GNA14: variants seen among roughly 807,000 people sequenced by gnomAD.
GNA14 encodes the protein G protein subunit alpha 14.
In GNA14, 50 loss-of-function variants were observed where a neutral mutation model predicts 42.0. The ratio of observed to expected loss-of-function variants is 1.19; its 90% CI spans 0.95 to 1.51. GNA14 has a LOEUF of 1.51. Among genes scored for constraint, GNA14 ranks in the 40% most tolerant of loss-of-function variants. GNA14 has a pLI of 0.00. For missense variants in GNA14, 473 were observed against 446.2 expected, an observed-to-expected ratio of 1.06 and a Z score of -0.54; for synonymous variants, 173 against 163.1, an observed-to-expected ratio of 1.06 and a Z score of -0.46.
chr9:77,522,292 C>A (rs566338724), intron 2 of GNA14, among the ~76,000 whole-genome samples: 1 of 152,298 alleles, frequency 6.6e-6, no homozygotes, highest in South Asian at 2.1e-4. Flanking sequence ...GAATGCGCTG[C>A]AGCTTCTTCC....
chr9:77,550,357 G>T (rs997708037), intron 1 of GNA14, among the ~76,000 whole-genome samples: 2 of 152,196 alleles, frequency 1.3e-5, no homozygotes, highest in Non-Finnish European at 2.9e-5. Flanking sequence ...TACAGAGAAA[G>T]CCTTCACCTT....
chr9:77,549,912 C>G (rs975706725), intron 1 of GNA14, among the ~76,000 whole-genome samples: 2 of 152,172 alleles, frequency 1.3e-5, no homozygotes, highest in African/African-American at 4.8e-5. Context: ...CAAATGATCC[C>G]AAACCCACTT....
chr9:77,557,641 A>G (rs1029067465), intron 1 of GNA14, among the ~76,000 whole-genome samples: 4 of 152,230 alleles, frequency 2.6e-5, no homozygotes, highest in African/African-American at 9.6e-5. Flanking sequence ...GCTATAAGGA[A>G]GAAAGCTAAG....
At chr9:77,610,769 AC>A (rs1459867712) in intron 1 of GNA14, among the ~76,000 whole-genome samples, 4 of 152,212 alleles carry the variant, frequency 2.6e-5, no homozygotes, top group Non-Finnish European at 2.9e-5. Flanking sequence ...ACAGACTAGA[AC>A]AGAGAAGAAC....
At chr9:77,624,996 T>C (rs575779316) in intron 1 of GNA14, among the ~76,000 whole-genome samples, 1 of 151,874 alleles carries the variant, frequency 6.6e-6, no homozygotes, top group South Asian at 2.1e-4. Context: ...GCAAAGAACC[T>C]AAGAACCTTG....
At chr9:77,461,213 T>C (rs1216910594) in intron 2 of GNA14, among the ~76,000 whole-genome samples, 6 of 152,156 alleles carry the variant, frequency 3.9e-5, no homozygotes, top group Non-Finnish European at 7.4e-5. Context: ...CTGTCCAAAG[T>C]GAGCTCCTCA....
intron 1 of GNA14, among the ~76,000 whole-genome samples, chr9:77,629,082 C>G (rs1418596255): frequency 6.6e-6 from 1 of 151,984 alleles, no homozygotes; most frequent in Non-Finnish European, 1.5e-5. Flanking sequence ...AGGATATGAA[C>G]AGACACCTCT....
intron 1 of GNA14, among the ~76,000 whole-genome samples, chr9:77,535,386 T>C (rs1837582315): frequency 6.6e-6 from 1 of 151,624 alleles, no homozygotes; most frequent in Admixed American, 6.6e-5. Flanking sequence ...CTACTAAAAA[T>C]ACAAAAAATT....
intron 1 of GNA14, among the ~76,000 whole-genome samples, chr9:77,566,080 G>A (rs555737203): frequency 4.2e-4 from 64 of 152,024 alleles, no homozygotes; most frequent in African/African-American, 7.5e-4. Context: ...AAATATCACC[G>A]GTGCTGAGGT....
chr9:77,482,558 T>A (rs1836574696), intron 2 of GNA14, among the ~76,000 whole-genome samples: 1 of 152,104 alleles, frequency 6.6e-6, no homozygotes. Context: ...TTGAAGAGTA[T>A]CTTTGTGGAG....
chr9:77,425,436 G>A, intron 6 of GNA14, 126 bp downstream of exon 6: 2 of 634,048 alleles, frequency 3.2e-6, no homozygotes, highest in Non-Finnish European at 5.5e-6. Context: ...TTGAAGGTGG[G>A]AATAGGGGGA....
chr9:77,645,401 C>T (rs1449168831), intron 1 of GNA14, among the ~76,000 whole-genome samples: 1 of 152,218 alleles, frequency 6.6e-6, no homozygotes, highest in African/African-American at 2.4e-5. Context: ...AGCTATGCCC[C>T]AGGACTTTAC....
chr9:77,552,573 A>G (rs1837798978), intron 1 of GNA14, among the ~76,000 whole-genome samples: 1 of 152,176 alleles, frequency 6.6e-6, no homozygotes, highest in South Asian at 2.1e-4. Flanking sequence ...TCTTTTAAGA[A>G]TTTCAAGATC....
At chr9:77,640,108 T>TA (rs1229734042) in intron 1 of GNA14, among the ~76,000 whole-genome samples, 1 of 152,186 alleles carries the variant, frequency 6.6e-6, no homozygotes, top group East Asian at 1.9e-4. Flanking sequence ...AACCTGGCTA[T>TA]AAAGGTCTGC....
intron 1 of GNA14, among the ~76,000 whole-genome samples, chr9:77,561,579 T>C (rs1293701384): frequency 2.0e-5 from 3 of 152,186 alleles, no homozygotes; most frequent in Non-Finnish European, 2.9e-5. Context: ...TTGAAAATAT[T>C]TGCTAAATGA....
chr9:77,593,169 T>C (rs1220290828), intron 1 of GNA14, among the ~76,000 whole-genome samples: 3 of 152,210 alleles, frequency 2.0e-5, no homozygotes. Context: ...GTGTTATAAC[T>C]CTACACTTGG....
At chr9:77,557,669 C>A (rs1489423858) in intron 1 of GNA14, among the ~76,000 whole-genome samples, 1 of 152,110 alleles carries the variant, frequency 6.6e-6, no homozygotes. Flanking sequence ...CTGTTCTGCT[C>A]CAGTGGAACA....
chr9:77,471,296 G>A (rs1408562891), intron 2 of GNA14, among the ~76,000 whole-genome samples: 4 of 152,172 alleles, frequency 2.6e-5, no homozygotes, highest in Admixed American at 2.6e-4. Flanking sequence ...GGGCAGGGGA[G>A]TGATGAGATC....
chr9:77,636,677 C>T (rs1824188958), intron 1 of GNA14, among the ~76,000 whole-genome samples: 1 of 152,086 alleles, frequency 6.6e-6, no homozygotes, highest in African/African-American at 2.4e-5. Context: ...GTGCCAGGCT[C>T]TTCTGAACAA....
Sources: allele counts gnomAD v4.1 joint callset (sites outside exome capture counted in the v4.1 genomes callset), GRCh38; gene constraint gnomAD v4.1.1; transcripts MANE v1.5; gene names NCBI Gene and HGNC (gene_info 2026-07-23, HGNC 2026-07-21).